Variants in ABLIM2 observed in about 807,000 individuals in gnomAD.
ABLIM2 encodes the protein actin binding LIM protein family member 2, also known as actin-binding LIM protein 2.
A neutral mutation model predicts 97.7 loss-of-function variants in ABLIM2; 53 were observed. The ratio of observed to expected loss-of-function variants is 0.54; its 90% confidence interval spans 0.44 to 0.68. ABLIM2 has a LOEUF of 0.68. Ranked by LOEUF, ABLIM2 falls within the 30% of genes least tolerant of loss-of-function variation. The pLI is 0.00. For missense variants in ABLIM2, 835 were observed against 867.2 expected (o/e 0.96, Z 0.47); for synonymous variants, 361 against 345.8 (o/e 1.04, Z -0.49).
chr4:8,072,041 C>A lies in ABLIM2; in HGVS notation c.675+5587G>T. 1 of 985,508 alleles carries A rather than the reference C, an allele frequency of 1.0e-6. No homozygotes were observed. The highest frequency in any genetic ancestry group is 1.7e-5 in the African/African-American group (1 of 57,362). 61.0% of individuals were successfully genotyped at this position (985,508 alleles called of 1,614,324 possible). A position where few individuals can be genotyped will look rare whatever the true frequency, so the allele number is the denominator to read the frequency against. ...TCCCACCTTGCACCCGGGGAGGATGCTCAGAGCTGTGCAGAGCCCGCCGAC... is the reference window on the plus strand; with the variant it reads ...TCCCACCTTGCACCCGGGGAGGATGATCAGAGCTGTGCAGAGCCCGCCGAC... On this transcript the variant is annotated intron_variant, in intron 6 of 20. Coordinates refer to ENST00000447017, the MANE Select transcript of ABLIM2 (RefSeq NM_001130083.2). This position sits in a 1 kb window ranked among gnomAD's most constrained non-coding sequence, Gnocchi z 5.8.
intron 9 of ABLIM2, among the ~76,000 whole-genome samples, chr4:8,042,515 T>C (rs915362178): frequency 1.3e-5 from 2 of 152,136 alleles, no homozygotes; most frequent in Non-Finnish European, 2.9e-5. Flanking sequence ...CAATCATATT[T>C]CTACATGGCC....
chr4:7,966,818 C>T lies in ABLIM2; in HGVS notation c.*172G>A, dbSNP rs1723185539. On this transcript the variant is annotated 3_prime_UTR_variant, in exon 21 of 21. Coordinates refer to ENST00000447017, the MANE Select transcript of ABLIM2 (RefSeq NM_001130083.2). ...AGCCGTCTCGGCCCTAAACTACCGG[C>T]AGGAGTGTCGCCGGCAGGTGCAGGG... is the stretch of plus-strand genomic sequence containing the variant. 3.4e-6 allele frequency: 2 copies of T among 586,372 alleles called. No homozygotes were observed. Among genetic ancestry groups the T allele is most frequent in the South Asian group, 2.1e-5 (1 of 46,610 alleles). The allele number at this position is 586,372 out of a possible 1,614,324, so 36.3% of individuals were successfully genotyped here.
In ABLIM2 at chr4:8,127,068, G is replaced by GA. The variant is rs534244270; in HGVS notation, c.11-20432dup. 0.024 allele frequency among the ~76,000 whole-genome samples: 2,752 copies of GA among 115,994 alleles called. 75 individuals are homozygous for GA. Among genetic ancestry groups the GA allele is most frequent in the African/African-American group, 0.072 (2,347 of 32,550 alleles). 76.1% of individuals were successfully genotyped at this position (115,994 alleles called of 152,430 possible). ...GTGACAGAGTGAGTCCCTGCCTCCA[G>GA]AAAAAAAAAAAAAAAATGCCTGCAG... is the stretch of plus-strand genomic sequence containing the variant. On this transcript the variant is annotated intron_variant, in intron 1 of 20. Coordinates refer to ENST00000447017, the MANE Select transcript of ABLIM2 (RefSeq NM_001130083.2). The surrounding 1 kb of genome is among the most constrained non-coding windows in gnomAD (Gnocchi z 7.3).
At chr4:8,096,537 T>A (rs1293307453) in intron 3 of ABLIM2, among the ~76,000 whole-genome samples, 1 of 152,232 alleles carries the variant, frequency 6.6e-6, no homozygotes, top group Non-Finnish European at 1.5e-5. Context: ...GTTCCATTTC[T>A]GTCTCCGGCA....
intron 17 of ABLIM2, among the ~76,000 whole-genome samples, chr4:7,991,855 C>T (rs1413604627): frequency 6.6e-6 from 1 of 152,140 alleles, no homozygotes; most frequent in African/African-American, 2.4e-5. Flanking sequence ...CAAGAGGACA[C>T]CCACGGCTTC....
rs1798093321 is a variant in ABLIM2, at chr4:8,054,872, C to T, written c.764-626G>A. 6.6e-6 allele frequency among the ~76,000 whole-genome samples: 1 copy of T among 152,090 alleles called. No individual in the cohort carries two copies. The highest frequency in any genetic ancestry group is 1.9e-4 in the East Asian group (1 of 5,170). ...AGCCCCACCCTGTTACTAATTTACT[C>T]AGTCTCTGTGGCTTCTTGTGTCTCA... On this transcript the variant is annotated intron_variant, in intron 7 of 20. Coordinates refer to ENST00000447017, the MANE Select transcript of ABLIM2 (RefSeq NM_001130083.2). The surrounding 1 kb of genome is among the most constrained non-coding windows in gnomAD (Gnocchi z 4.9).
chr4:7,979,779 G>C (rs146301813), intron 20 of ABLIM2, among the ~76,000 whole-genome samples: 27 of 152,178 alleles, frequency 1.8e-4, no homozygotes, highest in Non-Finnish European at 3.1e-4. Context: ...GCCCAGGCAC[G>C]GGCCTATGGC....
rs545491421 is a variant in ABLIM2 at position 7,992,061 on chromosome 4, G to A, written c.1680+805C>T. The stretch of plus-strand genomic sequence containing the variant: ...GGACGAGGCTGCCTTGCGCAATGGG[G>A]AGACCCCTGGGCTGTGTGTGTGTGT... On this transcript the variant is annotated intron_variant, in intron 17 of 20. Transcript: ENST00000447017. The surrounding 1 kb of genome is among the most constrained non-coding windows in gnomAD (Gnocchi z 5.7). Among the ~76,000 whole-genome samples the A allele has an allele frequency of 2.4e-4, 37 of 152,292 alleles. No homozygotes were observed. The highest frequency in any genetic ancestry group is 7.9e-4 in the African/African-American group (33 of 41,566).
rs1561640540 is a variant in ABLIM2 at position 8,149,736 on chromosome 4, C to G, written c.10+8944G>C. Among the ~76,000 whole-genome samples, 13 of 151,366 alleles carry G rather than the reference C, an allele frequency of 8.6e-5. No homozygotes were observed. In the South Asian group the frequency reaches 2.7e-3, roughly 32 times the overall value. On this transcript the variant is annotated intron_variant, in intron 1 of 20. Transcript: ENST00000447017. The surrounding 1 kb of genome is among the most constrained non-coding windows in gnomAD (Gnocchi z 6.4). Reference sequence around the variant, plus strand: ...GGACATTCTGGAAGAGCTCTGAGCCCTTGGGAGGCTGTTGACTGCTGGACA... The same window carrying G: ...GGACATTCTGGAAGAGCTCTGAGCCGTTGGGAGGCTGTTGACTGCTGGACA...
chr4:7,974,217 A>G (rs1577613746), intron 20 of ABLIM2, among the ~76,000 whole-genome samples: 1 of 151,298 alleles, frequency 6.6e-6, no homozygotes. Context: ...CCACCTACCT[A>G]CCCATCCATC....
At position 8,020,340 on chromosome 4, in the gene ABLIM2, G is replaced by A. The variant is rs1221644495; in HGVS notation, c.1268-37C>T. On this transcript the variant is annotated intron_variant, in intron 12 of 20. Transcript: ENST00000447017. Reference sequence around the variant, plus strand: ...AGGGCAAAGGCAGCAGATAGAAGGGGAAACGGGAAAGCAAAGTAGAATATT... The same window carrying A: ...AGGGCAAAGGCAGCAGATAGAAGGGAAAACGGGAAAGCAAAGTAGAATATT... 7 of 1,553,944 alleles carry A rather than the reference G, an allele frequency of 4.5e-6. No homozygotes were observed. In the South Asian group the frequency reaches 5.6e-5, roughly 12 times the overall value.
chr4:8,047,279 C>T (rs1200764597), intron 8 of ABLIM2, among the ~76,000 whole-genome samples: 6 of 152,128 alleles, frequency 3.9e-5, no homozygotes, highest in East Asian at 1.9e-4. Flanking sequence ...CACTCGCCTC[C>T]GCTCCACCGG....
Position 8,147,211 on chromosome 4 carries a change from T to C in ABLIM2, c.10+11469A>G, listed in dbSNP as rs554072312. On this transcript the variant is annotated intron_variant, in intron 1 of 20. Coordinates refer to ENST00000447017, the MANE Select transcript of ABLIM2 (RefSeq NM_001130083.2). The surrounding 1 kb of genome is among the most constrained non-coding windows in gnomAD (Gnocchi z 5.3). ...AATTCATATTCTTATCCACAGTCTG[T>C]GACAGGATCTAACTCCCGGGACGTT... Among the ~76,000 whole-genome samples the C allele has an allele frequency of 3.3e-5, 5 of 152,362 alleles. No homozygotes were observed. The highest frequency in any genetic ancestry group is 1.2e-4 in the African/African-American group (5 of 41,572).
Position 8,019,622 on chromosome 4 carries a change from C to T in ABLIM2, c.1419G>A (p.Gln473=). The change falls in exon 14 of 21, where the codon CAG becomes CAA. Residue 473 remains glutamine, a synonymous_variant. Transcript: ENST00000447017. The surrounding 1 kb of genome is among the most constrained non-coding windows in gnomAD (Gnocchi z 4.3). ...NIYRKPPIYR[Q]HAARRSDGED... is the part of the protein sequence containing the mutation. ...GCGGGAGGAATCCAACCGTACCATG[C>T]TGTCTGTAGATAGGGGGTTTCCTAT... The T allele has an allele frequency of 2.5e-6, 4 of 1,611,496 alleles. No homozygotes were observed. The highest frequency in any genetic ancestry group is 3.4e-6 in the Non-Finnish European group (4 of 1,179,054).
intron 3 of ABLIM2, among the ~76,000 whole-genome samples, chr4:8,091,503 G>C (rs1314727144): frequency 2.9e-5 from 1 of 34,068 alleles, no homozygotes; most frequent in Non-Finnish European, 5.5e-5. Context: ...TATATATTTT[G>C]TATAAAATAT....
chr4:8,142,218 C>A (rs1359543440), intron 1 of ABLIM2, among the ~76,000 whole-genome samples: 31 of 152,210 alleles, frequency 2.0e-4, no homozygotes, highest in Non-Finnish European at 1.2e-4. Flanking sequence ...GAGCCCCTCC[C>A]AGAGTGTCTG....
chr4:8,051,943 G>T lies in ABLIM2; in HGVS notation c.822+2245C>A, dbSNP rs558765047. On this transcript the variant is annotated intron_variant, in intron 8 of 20. Coordinates refer to ENST00000447017, the MANE Select transcript of ABLIM2 (RefSeq NM_001130083.2). ...TCAGACACTGCCACCTCGAGCCCGT[G>T]TATATACCTGACTGGTATCCACCCC... is the stretch of plus-strand genomic sequence containing the variant. Among the ~76,000 whole-genome samples the T allele has an allele frequency of 3.9e-5, 6 of 152,324 alleles. No individual in the cohort carries two copies. The South Asian group carries it at 1.2e-3, about 32-fold the overall frequency.
chr4:8,072,120 T>A lies in ABLIM2; in HGVS notation c.675+5508A>T. On this transcript the variant is annotated intron_variant, in intron 6 of 20. Coordinates refer to ENST00000447017, the MANE Select transcript of ABLIM2 (RefSeq NM_001130083.2). This position sits in a 1 kb window ranked among gnomAD's most constrained non-coding sequence, Gnocchi z 5.8. ...CCGGCAGAGGCGAAAACAAAAGCATTAATCTTCCCCAGGAGGCCCTTTCTC... is the reference window on the plus strand; with the variant it reads ...CCGGCAGAGGCGAAAACAAAAGCATAAATCTTCCCCAGGAGGCCCTTTCTC... The A allele has an allele frequency of 1.0e-6, 1 of 956,240 alleles. No homozygotes were observed. The highest frequency in any genetic ancestry group is 1.2e-6 in the Non-Finnish European group (1 of 803,420). The allele number at this position is 956,240 out of a possible 1,614,324, so 59.2% of individuals were successfully genotyped here.
rs1850840856 is a variant in ABLIM2 at position 8,140,649 on chromosome 4, G to T, written c.10+18031C>A. ...TGCTACTGATGATGGAAGCAATGATGATAAAATCGACCCCAGAGAATACAC... is the reference window on the plus strand; with the variant it reads ...TGCTACTGATGATGGAAGCAATGATTATAAAATCGACCCCAGAGAATACAC... On this transcript the variant is annotated intron_variant, in intron 1 of 20. Coordinates refer to ENST00000447017, the MANE Select transcript of ABLIM2 (RefSeq NM_001130083.2). This position sits in a 1 kb window ranked among gnomAD's most constrained non-coding sequence, Gnocchi z 5.9. Among the ~76,000 whole-genome samples the T allele has an allele frequency of 6.6e-6, 1 of 152,174 alleles. No homozygotes were observed. Among genetic ancestry groups the T allele is most frequent in the South Asian group, 2.1e-4 (1 of 4,824 alleles).
Sources: allele counts gnomAD v4.1 joint callset (sites outside exome capture counted in the v4.1 genomes callset), GRCh38; gene constraint gnomAD v4.1.1; non-coding constraint Gnocchi (gnomAD v3.1); transcripts MANE v1.5; gene names NCBI Gene and HGNC (gene_info 2026-07-23, HGNC 2026-07-21).